Variants in RANBP2 observed in about 807,000 individuals in gnomAD.
RANBP2 encodes the protein E3 SUMO-protein ligase RanBP2.
Under a neutral mutation model 303.6 loss-of-function variants are expected in RANBP2, and 57 were observed. The observed-to-expected ratio is 0.19, with a 90% confidence interval of 0.15 to 0.23. The LOEUF (loss-of-function observed/expected upper bound fraction) is 0.23, where lower values mean the gene tolerates loss of function less well. RANBP2 is among the 10% of genes least tolerant of loss of function. The pLI is 1.00. For missense variants in RANBP2, 3,138 were observed against 3,780.8 expected, an observed-to-expected ratio of 0.83 and a Z score of 4.46; for synonymous variants, 1,167 against 1,301.5, an observed-to-expected ratio of 0.90 and a Z score of 2.23.
chr2:109,301,765 C>T, the RANBP2 span, among the ~76,000 whole-genome samples: 2 of 152,200 alleles, frequency 1.3e-5, no homozygotes, highest in African/African-American at 4.8e-5. Flanking sequence ...CACTTTCCTA[C>T]CCATCCTTTT....
chr2:109,158,487 A>T, the RANBP2 span, among the ~76,000 whole-genome samples: 3 of 152,126 alleles, frequency 2.0e-5, no homozygotes, highest in African/African-American at 7.2e-5. Context: ...CAGCCACTTC[A>T]TCCTTCACAC....
chr2:108,799,804 T>C, the RANBP2 span, among the ~76,000 whole-genome samples: 1 of 152,196 alleles, frequency 6.6e-6, no homozygotes, highest in Non-Finnish European at 1.5e-5. Context: ...CCATTCCTTT[T>C]TTTCCCATTA....
chr2:109,057,271 A>G, the RANBP2 span, among the ~76,000 whole-genome samples: 1 of 152,214 alleles, frequency 6.6e-6, no homozygotes, highest in Non-Finnish European at 1.5e-5. Flanking sequence ...TTTTCAAGAA[A>G]GGGGTCATAG....
chr2:109,521,078 G>A, the RANBP2 span, among the ~76,000 whole-genome samples: 181 of 152,092 alleles, frequency 1.2e-3, 1 homozygote, highest in African/African-American at 4.0e-3. Flanking sequence ...TTAGCCGGGC[G>A]TGGTGGCGGG....
At chr2:109,287,735 C>T in the RANBP2 span, among the ~76,000 whole-genome samples, 3 of 152,224 alleles carry the variant, frequency 2.0e-5, no homozygotes, top group African/African-American at 7.2e-5. Flanking sequence ...CAGAGCTCTT[C>T]TCTGTGGCCT....
chr2:109,347,877 C>T, the RANBP2 span: 28 of 1,613,034 alleles, frequency 1.7e-5, 2 homozygotes, highest in African/African-American at 2.0e-4. Flanking sequence ...ACGCCCCGCC[C>T]CAGGGAAAAG....
At chr2:109,329,105 C>T in the RANBP2 span, among the ~76,000 whole-genome samples, 1 of 152,174 alleles carries the variant, frequency 6.6e-6, no homozygotes, top group South Asian at 2.1e-4. Context: ...CCTTTTCTTA[C>T]TCTTTCATCT....
chr2:108,964,532 C>T, the RANBP2 span, among the ~76,000 whole-genome samples: 1 of 152,166 alleles, frequency 6.6e-6, no homozygotes, highest in Non-Finnish European at 1.5e-5. Flanking sequence ...CCAACAAACT[C>T]CAAAAGCCCA....
the RANBP2 span, among the ~76,000 whole-genome samples, chr2:109,592,427 C>G: frequency 6.7e-6 from 1 of 148,992 alleles, no homozygotes; most frequent in Non-Finnish European, 1.5e-5. Context: ...ATTGCACCAT[C>G]GCATTCCAGC....
chr2:108,964,909 A>AG, the RANBP2 span, among the ~76,000 whole-genome samples: 1 of 152,244 alleles, frequency 6.6e-6, no homozygotes, highest in African/African-American at 2.4e-5. Flanking sequence ...GTCTGGAATA[A>AG]GGAACAGTTC....
the RANBP2 span, among the ~76,000 whole-genome samples, chr2:109,562,503 T>G: frequency 3.3e-5 from 5 of 151,854 alleles, no homozygotes; most frequent in South Asian, 6.2e-4. Flanking sequence ...GCTGAGCAGA[T>G]AGCAGACAAA....
the RANBP2 span, among the ~76,000 whole-genome samples, chr2:109,400,668 GCA>G: frequency 7.1e-6 from 1 of 141,492 alleles, no homozygotes; most frequent in Non-Finnish European, 1.5e-5. Flanking sequence ...TTATACATGC[GCA>G]CACACACATT....
At chr2:109,520,705 T>C in the RANBP2 span, among the ~76,000 whole-genome samples, 1 of 132,046 alleles carries the variant, frequency 7.6e-6, no homozygotes, top group Admixed American at 7.7e-5. Flanking sequence ...CCAAGGCAGG[T>C]GGATCACCTG....
chr2:109,342,471 C>T, the RANBP2 span, among the ~76,000 whole-genome samples: 1 of 152,194 alleles, frequency 6.6e-6, no homozygotes, highest in South Asian at 2.1e-4. Context: ...GAAGGGGGCC[C>T]TCCATTGAAA....
the RANBP2 span, among the ~76,000 whole-genome samples, chr2:109,319,231 C>CAAGT: frequency 6.6e-6 from 1 of 152,180 alleles, no homozygotes; most frequent in Admixed American, 6.5e-5. Context: ...TTTGCAGGAC[C>CAAGT]AAGTGTTAAG....
At chr2:109,794,514 G>C in the RANBP2 span, 1 of 478,616 alleles carries the variant, frequency 2.1e-6, no homozygotes, top group Non-Finnish European at 2.3e-6. Flanking sequence ...CTCGGTGCTG[G>C]GTCTCACCCC....
At chr2:109,194,264 C>G in the RANBP2 span, among the ~76,000 whole-genome samples, 2 of 152,310 alleles carry the variant, frequency 1.3e-5, no homozygotes, top group East Asian at 3.9e-4. Flanking sequence ...CAGGTGGATT[C>G]GTAACACAGA....
At chr2:109,594,333 T>C in the RANBP2 span, among the ~76,000 whole-genome samples, 1 of 152,208 alleles carries the variant, frequency 6.6e-6, no homozygotes, top group Non-Finnish European at 1.5e-5. Context: ...CTTCCCACTC[T>C]TGATTCTCTA....
chr2:108,941,464 AG>A, the RANBP2 span, among the ~76,000 whole-genome samples: 1 of 152,250 alleles, frequency 6.6e-6, no homozygotes, highest in South Asian at 2.1e-4. Flanking sequence ...GCTTCCAAAC[AG>A]CTTCCCCTGA....
Sources: allele counts gnomAD v4.1 joint callset (sites outside exome capture counted in the v4.1 genomes callset), GRCh38; gene constraint gnomAD v4.1.1; transcripts MANE v1.5; gene names NCBI Gene and HGNC (gene_info 2026-07-23, HGNC 2026-07-21).